Variants in VPS41 observed in about 807,000 individuals in gnomAD.
VPS41 encodes the protein vacuolar protein sorting-associated protein 41 homolog.
A neutral mutation model predicts 130.9 loss-of-function variants in VPS41; 85 were observed. That is an observed-to-expected ratio of 0.65 (90% CI 0.55 to 0.78). The LOEUF (loss-of-function observed/expected upper bound fraction) is 0.78. VPS41 is among the 30% of genes least tolerant of loss of function. VPS41 has a pLI of 0.00. For synonymous variants in VPS41, 335 were observed against 332.9 expected, an observed-to-expected ratio of 1.01 and a Z score of -0.07; for missense variants, 874 against 1,018.7, an observed-to-expected ratio of 0.86 and a Z score of 1.93.
chr7:38,863,515 A>G (rs1342238628), intron 3 of VPS41, among the ~76,000 whole-genome samples: 1 of 152,208 alleles, frequency 6.6e-6, no homozygotes, highest in Non-Finnish European at 1.5e-5. Flanking sequence ...CAGAAAGTCA[A>G]GATTTAAAAG....
At chr7:38,876,214 C>A (rs185612153) in intron 2 of VPS41, among the ~76,000 whole-genome samples, 6 of 152,070 alleles carry the variant, frequency 3.9e-5, no homozygotes, top group Admixed American at 3.9e-4. Context: ...TGCCAGTAGC[C>A]CCAAGGTTGA....
chr7:38,781,211 T>C (rs545919335), intron 10 of VPS41, among the ~76,000 whole-genome samples: 2 of 152,226 alleles, frequency 1.3e-5, no homozygotes, highest in Non-Finnish European at 1.5e-5. Flanking sequence ...TATTTCAACA[T>C]GTAATAATAT....
intron 4 of VPS41, among the ~76,000 whole-genome samples, chr7:38,855,612 A>G (rs1240868450): frequency 6.6e-6 from 1 of 152,166 alleles, no homozygotes; most frequent in African/African-American, 2.4e-5. Context: ...TTCGCTACAT[A>G]AGGGAGGTCT....
intron 1 of VPS41, among the ~76,000 whole-genome samples, chr7:38,899,389 T>TA (rs555981732): frequency 4.6e-5 from 7 of 151,988 alleles, no homozygotes; most frequent in Non-Finnish European, 8.8e-5. Context: ...TAGCACTACA[T>TA]AAAAAAAACA....
At chr7:38,848,291 G>A (rs892753306) in intron 4 of VPS41, among the ~76,000 whole-genome samples, 2 of 151,842 alleles carry the variant, frequency 1.3e-5, no homozygotes, top group Admixed American at 1.3e-4. Flanking sequence ...TGTGTAATGT[G>A]ATAAAAGATA....
intron 26 of VPS41, 48 bp from the exon 27 acceptor site, chr7:38,728,634 T>C (rs891378980): frequency 1.2e-6 from 2 of 1,613,984 alleles, no homozygotes; most frequent in Non-Finnish European, 8.5e-7. Context: ...TTATACCTGC[T>C]TGGCCATTTC....
chr7:38,736,342 GT>G (rs1439916794), intron 25 of VPS41, among the ~76,000 whole-genome samples: 16 of 152,208 alleles, frequency 1.1e-4, no homozygotes, highest in Admixed American at 9.8e-4. Context: ...ACTATGTAAC[GT>G]ATACAAGAAT....
chr7:38,870,835 A>G (rs1786341996), intron 2 of VPS41, among the ~76,000 whole-genome samples: 1 of 151,314 alleles, frequency 6.6e-6, no homozygotes, highest in Non-Finnish European at 1.5e-5. Flanking sequence ...AAAAAAAAAA[A>G]AAGAATCAAA....
At position 38,796,771 on chromosome 7, in the gene VPS41, G is replaced by A. The variant is rs1784628951; in HGVS notation, c.544C>T (p.His182Tyr). 1 of 1,613,610 alleles carries A rather than the reference G, an allele frequency of 6.2e-7. No homozygotes were observed. The highest frequency in any genetic ancestry group is 8.5e-7 in the Non-Finnish European group (1 of 1,179,812). ...GNIRSVKWRG[H>Y]LIAWANNMGV... ...ATATTATTGGCCCAAGCAATCAGAT[G>A]GCCTCTCCACTTCACACTCCTTATG... is the stretch of plus-strand genomic sequence containing the variant. Residue 182 changes from histidine to tyrosine, a missense_variant, in exon 8 of 29, where the codon CAT becomes TAT. By Grantham distance (83) the His-to-Tyr change is moderately conservative. Transcript: ENST00000310301.
At position 38,761,133 on chromosome 7, in the gene VPS41, TTTC is replaced by T. The variant is rs537845641; in HGVS notation, c.1422+2319_1422+2321del. Reference sequence around the variant, plus strand: ...AAAATAATATTTCAGATCAAGTTTCTTTCTTTTCTTCCTTCTCTGTTTCCCTTT... The same window carrying T: ...AAAATAATATTTCAGATCAAGTTTCTTTTTCTTCCTTCTCTGTTTCCCTTT... On this transcript the variant is annotated intron_variant, in intron 17 of 28. Coordinates refer to ENST00000310301, the MANE Select transcript of VPS41 (RefSeq NM_014396.4). 2.5e-4 allele frequency among the ~76,000 whole-genome samples: 38 copies of T among 152,160 alleles called. No individual in the cohort carries two copies. In the South Asian group the frequency reaches 4.8e-3, roughly 19 times the overall value.
intron 9 of VPS41, 79 bp downstream of exon 9, chr7:38,795,386 A>G (rs1407091545): frequency 5.3e-6 from 7 of 1,317,180 alleles, no homozygotes; most frequent in African/African-American, 1.5e-5. Context: ...CTAGAAGCCA[A>G]TCAAGACTCA....
intron 1 of VPS41, among the ~76,000 whole-genome samples, chr7:38,904,224 C>T (rs1156634314): frequency 6.6e-6 from 1 of 152,184 alleles, no homozygotes; most frequent in Non-Finnish European, 1.5e-5. Flanking sequence ...GATGAGTGTC[C>T]TCTCTCCAAG....
At chr7:38,859,288 T>C (rs1786051643) in intron 4 of VPS41, among the ~76,000 whole-genome samples, 1 of 152,092 alleles carries the variant, frequency 6.6e-6, no homozygotes. Context: ...AATGTATTAG[T>C]GGAGAAAGAA....
At chr7:38,870,700 G>GAAGTTAGC (rs762835290) in intron 2 of VPS41, among the ~76,000 whole-genome samples, 9 of 110,400 alleles carry the variant, frequency 8.2e-5, no homozygotes, top group Non-Finnish European at 1.2e-4. Flanking sequence ...CCTAGACATT[G>GAAGTTAGC]AAGTTAGCAG....
chr7:38,810,273 G>C (rs1217118529), intron 7 of VPS41, among the ~76,000 whole-genome samples: 1 of 152,118 alleles, frequency 6.6e-6, no homozygotes, highest in East Asian at 1.9e-4. Context: ...CCTAGTCCTA[G>C]TCCCTGGTGG....
At chr7:38,822,604 T>C (rs1204021843) in intron 5 of VPS41, among the ~76,000 whole-genome samples, 2 of 152,214 alleles carry the variant, frequency 1.3e-5, no homozygotes, top group Non-Finnish European at 2.9e-5. Context: ...TGTTTCCAGA[T>C]TGGGGCTATC....
At position 38,796,738 on chromosome 7, in the gene VPS41, T is replaced by G. The variant is rs765538786; in HGVS notation, c.570+7A>C. ...AAGCATTAGGAAGACAGAGGCATATTTTTTACCATATTATTGGCCCAAGCA... is the reference window on the plus strand; with the variant it reads ...AAGCATTAGGAAGACAGAGGCATATGTTTTACCATATTATTGGCCCAAGCA... On this transcript the variant is annotated splice_region_variant and intron_variant, in intron 8 of 28. Coordinates refer to ENST00000310301, the MANE Select transcript of VPS41 (RefSeq NM_014396.4). The G allele has an allele frequency of 1.2e-6, 2 of 1,613,696 alleles. No individual in the cohort carries two copies.
intron 4 of VPS41, among the ~76,000 whole-genome samples, chr7:38,852,679 G>C (rs1420939399): frequency 6.6e-6 from 1 of 152,160 alleles, no homozygotes; most frequent in East Asian, 1.9e-4. Flanking sequence ...CAGAAAAACA[G>C]AGCTTGTTTA....
rs752263273 is a variant in VPS41, at chr7:38,726,290, T to C, written c.2521A>G (p.Lys841Glu). Reference sequence around the variant, plus strand: ...ATTGCACTTCCTGGTCCACGGTTCTTAGCACTGCAGATGTTGCAGAACTGT... The same window carrying C: ...ATTGCACTTCCTGGTCCACGGTTCTCAGCACTGCAGATGTTGCAGAACTGT... Reference protein sequence around the residue: ...AAQFCNICSAKNRGPGSAILE... With the variant: ...AAQFCNICSAENRGPGSAILE... Residue 841 changes from lysine to glutamate, a missense_variant, in exon 29 of 29, where the codon AAG becomes GAG. Transcript: ENST00000310301. The C allele has an allele frequency of 5.6e-6, 9 of 1,614,082 alleles. No individual in the cohort carries two copies. In the Admixed American group the frequency reaches 1.3e-4, roughly 24 times the overall value.
Sources: gnomAD v4.1 joint callset for allele counts (sites outside exome capture counted in the v4.1 genomes callset) on GRCh38, gnomAD v4.1.1 for gene constraint, MANE v1.5 for transcripts, NCBI Gene and HGNC (gene_info 2026-07-23, HGNC 2026-07-21) for gene names.